Variants in TMEM87B observed in about 807,000 individuals in gnomAD.
TMEM87B encodes the protein transmembrane protein 87B.
A neutral mutation model predicts 80.3 loss-of-function variants in TMEM87B; 83 were observed. The observed-to-expected ratio is 1.03, with a 90% CI of 0.87 to 1.24. TMEM87B has a LOEUF of 1.24. TMEM87B is among the 50% of genes most tolerant of loss of function. The pLI is 0.00. For missense variants in TMEM87B, 625 were observed against 674.4 expected, an observed-to-expected ratio of 0.93 and a Z score of 0.81; for synonymous variants, 219 against 230.5, an observed-to-expected ratio of 0.95 and a Z score of 0.45.
intron 4 of TMEM87B, among the ~76,000 whole-genome samples, chr2:112,069,562 T>A (rs1678563127): frequency 6.6e-6 from 1 of 152,372 alleles, no homozygotes; most frequent in East Asian, 1.9e-4. Context: ...TTATCCAGTC[T>A]ACCATTGATG....
intron 11 of TMEM87B, chr2:112,095,185 TTTTTTTTTTTTTTTTTTTTTTTTTTTTG>T: frequency 3.2e-6 from 2 of 624,938 alleles, no homozygotes; most frequent in Non-Finnish European, 3.6e-6. Context: ...TTTTTTTTTT[TTTTTTTTTTTTTTTTTTTTTTTTTTTTG>T]CTGTTTTGCT....
chr2:112,105,733 T>C (rs1440541350), intron 15 of TMEM87B: 1 of 313,890 alleles, frequency 3.2e-6, no homozygotes, highest in Non-Finnish European at 5.8e-6. Flanking sequence ...TATGTATGCA[T>C]GTATACTTGT....
chr2:112,058,675 C>T (rs1678156047), intron 1 of TMEM87B, among the ~76,000 whole-genome samples: 2 of 152,196 alleles, frequency 1.3e-5, no homozygotes, highest in African/African-American at 4.8e-5. Context: ...AGACATAATG[C>T]TAATCACTAT....
At chr2:112,063,453 C>T (rs1278187573) in intron 2 of TMEM87B, among the ~76,000 whole-genome samples, 1 of 152,230 alleles carries the variant, frequency 6.6e-6, no homozygotes, top group African/African-American at 2.4e-5. Context: ...CAGCACTCTT[C>T]TCCAGCTTCA....
chr2:112,069,991 A>G (rs1029763572), intron 4 of TMEM87B, among the ~76,000 whole-genome samples: 1 of 151,806 alleles, frequency 6.6e-6, no homozygotes, highest in African/African-American at 2.4e-5. Flanking sequence ...ATGTCTAGTC[A>G]TGTCCTTTGC....
intron 1 of TMEM87B, among the ~76,000 whole-genome samples, chr2:112,058,578 A>T (rs934809090): frequency 6.6e-6 from 1 of 152,190 alleles, no homozygotes; most frequent in African/African-American, 2.4e-5. Flanking sequence ...TTGTGGGCCC[A>T]GTATATCCCA....
At chr2:112,080,425 A>C (rs1185611690) in intron 6 of TMEM87B, among the ~76,000 whole-genome samples, 1 of 149,296 alleles carries the variant, frequency 6.7e-6, no homozygotes, top group Non-Finnish European at 1.5e-5. Flanking sequence ...ACGCCCGGCT[A>C]ATTTTTTGTA....
intron 10 of TMEM87B, among the ~76,000 whole-genome samples, chr2:112,090,227 G>A (rs150117046): frequency 1.7e-3 from 252 of 152,314 alleles, no homozygotes; most frequent in African/African-American, 5.7e-3. Context: ...AGGAAGTGAT[G>A]TTCAAGGGGA....
At chr2:112,077,052 A>G (rs1558835729) in intron 5 of TMEM87B, 140 bp from the exon 6 acceptor site, 3 of 478,216 alleles carry the variant, frequency 6.3e-6, no homozygotes, top group Admixed American at 4.0e-5. Flanking sequence ...AAAAAAAAAA[A>G]AAAAGGAAAA....
At chr2:112,091,327 C>A (rs1480118927) in intron 10 of TMEM87B, among the ~76,000 whole-genome samples, 1 of 151,982 alleles carries the variant, frequency 6.6e-6, no homozygotes, top group Non-Finnish European at 1.5e-5. Flanking sequence ...TAACATGGAT[C>A]CCCCCCTTCA....
intron 6 of TMEM87B, 101 bp downstream of exon 6, chr2:112,077,383 A>C (rs1201384191): frequency 3.9e-6 from 2 of 509,852 alleles, no homozygotes; most frequent in Non-Finnish European, 7.0e-6. Flanking sequence ...TACATCATTC[A>C]AAAATGAATT....
At chr2:112,107,701 A>T in intron 16 of TMEM87B, 87 bp from the exon 17 acceptor site, 1 of 631,972 alleles carries the variant, frequency 1.6e-6, no homozygotes, top group Non-Finnish European at 2.5e-6. Flanking sequence ...ATTTACATTT[A>T]AACACTTAAG....
chr2:112,067,899 GGAGCTTA>G (rs1208099696), intron 4 of TMEM87B, among the ~76,000 whole-genome samples: 1 of 152,148 alleles, frequency 6.6e-6, no homozygotes, highest in Non-Finnish European at 1.5e-5. Context: ...TACCAGTGTG[GGAGCTTA>G]GATTCTAAAA....
rs1680021297 is a variant in TMEM87B, at chr2:112,116,258, T to C, written c.*115T>C. 4 of 875,496 alleles carry C rather than the reference T, an allele frequency of 4.6e-6. No homozygotes were observed. The highest frequency in any genetic ancestry group is 3.5e-6 in the Non-Finnish European group (2 of 573,854). The allele number at this position is 875,496 out of a possible 1,614,324, so 54.2% of individuals were successfully genotyped here. ...TTTTTATTGTGTTATCTTGGAAGTC[T>C]GTGTATCAAAATGAAGAATTCAGAT... On this transcript the variant is annotated 3_prime_UTR_variant, in exon 19 of 19. Coordinates refer to ENST00000283206, the MANE Select transcript of TMEM87B (RefSeq NM_032824.3).
intron 18 of TMEM87B, 99 bp downstream of exon 18, chr2:112,113,028 A>G: frequency 4.4e-6 from 5 of 1,143,334 alleles, no homozygotes; most frequent in Non-Finnish European, 5.1e-6. Flanking sequence ...TAAGATTATT[A>G]TAAATTGAAC....
chr2:112,058,233 A>T (rs1678141778), intron 1 of TMEM87B, among the ~76,000 whole-genome samples: 1 of 152,218 alleles, frequency 6.6e-6, no homozygotes. Flanking sequence ...AAGTTCTGGC[A>T]GGGTTGTTAG....
At chr2:112,058,120 C>T (rs951982107) in intron 1 of TMEM87B, among the ~76,000 whole-genome samples, 15 of 152,346 alleles carry the variant, frequency 9.8e-5, no homozygotes, top group African/African-American at 3.6e-4. Context: ...AGCCACCGCA[C>T]TCGGCCTCAG....
At chr2:112,071,905 T>A (rs1252676367) in intron 4 of TMEM87B, among the ~76,000 whole-genome samples, 1 of 152,194 alleles carries the variant, frequency 6.6e-6, no homozygotes, top group Admixed American at 6.5e-5. Flanking sequence ...TTAAGTATGA[T>A]GTTGGCTATG....
chr2:112,091,572 T>C, intron 10 of TMEM87B, 140 bp from the exon 11 acceptor site: 1 of 642,876 alleles, frequency 1.6e-6, no homozygotes, highest in Non-Finnish European at 2.7e-6. Context: ...TTAAACACAA[T>C]CCTCTTAGGA....
Sources: gnomAD v4.1 joint callset for allele counts (sites outside exome capture counted in the v4.1 genomes callset) on GRCh38, gnomAD v4.1.1 for gene constraint, MANE v1.5 for transcripts, NCBI Gene and HGNC (gene_info 2026-07-23, HGNC 2026-07-21) for gene names.